The following DIAPH2 variants were observed in gnomAD, a reference collection of about 807,000 sequenced individuals.
The protein encoded by DIAPH2 is diaphanous related formin 2.
A neutral mutation model predicts 92.7 loss-of-function variants in DIAPH2; 35 were observed. The observed-to-expected ratio is 0.38, with a 90% CI of 0.29 to 0.50. DIAPH2 has a LOEUF of 0.50. Among genes scored for constraint, DIAPH2 ranks in the 20% least tolerant of loss-of-function variants. The probability of loss-of-function intolerance (pLI) is 0.94; values close to 1 mark genes in which losing one functional copy is unlikely to be tolerated. For synonymous variants in DIAPH2, 301 were observed against 280.4 expected, an observed-to-expected ratio of 1.07 and a Z score of -0.73; for missense variants, 701 against 819.5, an observed-to-expected ratio of 0.86 and a Z score of 1.77.
intron 22 of DIAPH2, among the ~76,000 whole-genome samples, chrX:97,227,007 A>C (rs892004246): frequency 9.0e-6 from 1 of 111,334 alleles, no homozygotes; most frequent in African/African-American, 3.3e-5. Flanking sequence ...GCGGTTGCTC[A>C]TGCCTGTAAT....
intron 13 of DIAPH2, among the ~76,000 whole-genome samples, chrX:96,942,497 G>C (rs772625489): frequency 9.0e-6 from 1 of 110,974 alleles, no homozygotes; most frequent in Non-Finnish European, 1.9e-5. Context: ...TGGTCTTGTA[G>C]AAATCATGTA....
At chrX:96,897,737 T>G (rs765407321) in intron 5 of DIAPH2, among the ~76,000 whole-genome samples, 1 of 107,513 alleles carries the variant, frequency 9.3e-6, no homozygotes, top group Non-Finnish European at 1.9e-5. Context: ...ATTTTATTAT[T>G]ATTATACTTT....
At chrX:97,023,866 T>C (rs1602724589) in intron 17 of DIAPH2, among the ~76,000 whole-genome samples, 1 of 112,494 alleles carries the variant, frequency 8.9e-6, no homozygotes, top group East Asian at 2.8e-4. Context: ...TTAGCAGTGA[T>C]GCTACACATA....
At chrX:97,165,993 C>T (rs1335231491) in intron 22 of DIAPH2, among the ~76,000 whole-genome samples, 1 of 110,170 alleles carries the variant, frequency 9.1e-6, no homozygotes, top group African/African-American at 3.3e-5. Context: ...TTGCTTGGTC[C>T]CTTCCTTCAT....
intron 25 of DIAPH2, among the ~76,000 whole-genome samples, chrX:97,414,313 C>T (rs2069915396): frequency 9.0e-6 from 1 of 111,550 alleles, no homozygotes; most frequent in African/African-American, 3.3e-5. Flanking sequence ...AAAGGATTCC[C>T]TATTTAATAA....
intron 5 of DIAPH2, among the ~76,000 whole-genome samples, chrX:96,903,110 A>C (rs1298118994): frequency 2.2e-5 from 2 of 91,605 alleles, no homozygotes; most frequent in Admixed American, 1.3e-4. Flanking sequence ...TTACCCTTCA[A>C]CTCTCCTTAC....
intron 9 of DIAPH2, among the ~76,000 whole-genome samples, chrX:96,919,914 C>T (rs1469301726): frequency 9.3e-6 from 1 of 108,029 alleles, no homozygotes; most frequent in Non-Finnish European, 1.9e-5. Flanking sequence ...GATGGAGTCT[C>T]ACTCTGTTGC....
intron 26 of DIAPH2, among the ~76,000 whole-genome samples, chrX:97,559,410 A>G (rs2071278454): frequency 9.2e-6 from 1 of 109,117 alleles, no homozygotes; most frequent in Non-Finnish European, 1.9e-5. Context: ...AAATCGCTTG[A>G]ATCCAGGAGG....
rs764536872 is a variant in DIAPH2, at chrX:97,537,326, A to T, written c.3242-61927A>T. Among the ~76,000 whole-genome samples, 15 of 111,860 alleles carry T rather than the reference A, an allele frequency of 1.3e-4. No homozygotes were observed. The South Asian group carries it at 4.5e-3, about 34-fold the overall frequency. On this transcript the variant is annotated intron_variant, in intron 26 of 26. Transcript: ENST00000324765. ...CATCATTCTGTATTAGAGGTTTTTG[A>T]GTGGTAGAATTTCAAAATCCTATCT...
intron 26 of DIAPH2, among the ~76,000 whole-genome samples, chrX:97,518,119 C>A (rs2070963334): frequency 8.9e-6 from 1 of 112,228 alleles, no homozygotes; most frequent in African/African-American, 3.2e-5. Flanking sequence ...AGAATACTAT[C>A]AAGCTCTTCT....
intron 17 of DIAPH2, among the ~76,000 whole-genome samples, chrX:97,009,701 G>T (rs1185467243): frequency 1.8e-5 from 2 of 112,187 alleles, no homozygotes; most frequent in African/African-American, 3.2e-5. Flanking sequence ...TTCCCTTCTG[G>T]ACCAGGATAT....
At chrX:97,196,948 G>A (rs1045607352) in intron 22 of DIAPH2, among the ~76,000 whole-genome samples, 8 of 109,694 alleles carry the variant, frequency 7.3e-5, no homozygotes, top group African/African-American at 2.3e-4. Flanking sequence ...CACCACGCCT[G>A]ACTAATTTTG....
chrX:97,218,103 T>G (rs1332104790), intron 22 of DIAPH2, among the ~76,000 whole-genome samples: 1 of 109,922 alleles, frequency 9.1e-6, no homozygotes, highest in Non-Finnish European at 1.9e-5. Context: ...CTTTTTTTTT[T>G]TTTGAGACAA....
At chrX:96,737,954 C>T (rs988920750) in intron 2 of DIAPH2, among the ~76,000 whole-genome samples, 1 of 111,188 alleles carries the variant, frequency 9.0e-6, no homozygotes, top group Non-Finnish European at 1.9e-5. Flanking sequence ...TTCACAGTAA[C>T]CCTATGGTGT....
At chrX:96,687,753 A>G (rs773193204) in intron 1 of DIAPH2, among the ~76,000 whole-genome samples, 9 of 111,958 alleles carry the variant, frequency 8.0e-5, no homozygotes, top group Non-Finnish European at 1.5e-4. Context: ...TTTCAACACT[A>G]TAATGATTTC....
At chrX:97,578,499 C>G (rs1376536776) in intron 26 of DIAPH2, among the ~76,000 whole-genome samples, 1 of 100,553 alleles carries the variant, frequency 9.9e-6, no homozygotes, top group Admixed American at 1.1e-4. Flanking sequence ...AGGACATGAA[C>G]TCATCATTTT....
intron 23 of DIAPH2, among the ~76,000 whole-genome samples, chrX:97,295,084 G>C (rs1329096226): frequency 1.8e-5 from 2 of 111,172 alleles, no homozygotes; most frequent in Non-Finnish European, 3.8e-5. Context: ...CCCGAACTCA[G>C]TATATTTACT....
intron 23 of DIAPH2, among the ~76,000 whole-genome samples, chrX:97,303,245 T>G (rs1434507409): frequency 8.9e-6 from 1 of 112,290 alleles, no homozygotes; most frequent in Admixed American, 9.5e-5. Context: ...AATAATTTGT[T>G]TTAGCATCCA....
chrX:96,685,159 A>G lies in DIAPH2; in HGVS notation c.101A>G (p.Asn34Ser). 1 of 1,012,252 alleles carries G rather than the reference A, an allele frequency of 9.9e-7. No homozygotes were observed. The highest frequency in any genetic ancestry group is 2.0e-5 in the African/African-American group (1 of 50,957). 83.4% of individuals were successfully genotyped at this position (1,012,252 alleles called of 1,213,427 possible). Residue 34 changes from asparagine to serine, a missense_variant, in exon 1 of 27, where the codon AAT becomes AGT. Coordinates refer to ENST00000324765, the MANE Select transcript of DIAPH2 (RefSeq NM_006729.5). ...CGGAGCGCGGGGAACCGGGCCGCCA[A>G]TGAAGAGGAAACGAAAAACAAACCC... ...NKRSAGNRAA[N>S]EEETKNKPKL...
Sources: gnomAD v4.1 joint callset for allele counts (sites outside exome capture counted in the v4.1 genomes callset) on GRCh38, gnomAD v4.1.1 for gene constraint, MANE v1.5 for transcripts, NCBI Gene and HGNC (gene_info 2026-07-23, HGNC 2026-07-21) for gene names.